OTOGL: variants seen among roughly 807,000 people sequenced by gnomAD.
The protein encoded by OTOGL is otogelin-like protein.
OTOGL carries 285 observed loss-of-function variants against 318.5 expected under a neutral mutation model. The ratio of observed to expected loss-of-function variants is 0.89; its 90% CI spans 0.81 to 0.99. The LOEUF (loss-of-function observed/expected upper bound fraction) is 0.99, where lower values mean the gene tolerates loss of function less well. Ranked by LOEUF, OTOGL falls within the 50% of genes least tolerant of loss-of-function variation. The probability of loss-of-function intolerance (pLI) is 0.00; values close to 1 mark genes in which losing one functional copy is unlikely to be tolerated. For missense variants in OTOGL, 2,899 were observed against 2,845.6 expected (o/e 1.02, Z -0.43); for synonymous variants, 987 against 936.5 (o/e 1.05, Z -0.99).
In OTOGL at chr12:80,255,132, G is replaced by A; in HGVS notation, c.1534G>A (p.Gly512Arg). The A allele has an allele frequency of 6.6e-7, 1 of 1,525,148 alleles. No individual in the cohort carries two copies. The highest frequency in any genetic ancestry group is 8.8e-7 in the Non-Finnish European group (1 of 1,139,282). 94.5% of individuals were successfully genotyped at this position (1,525,148 alleles called of 1,614,324 possible). A position where few individuals can be genotyped will look rare whatever the true frequency, so the allele number is the denominator to read the frequency against. ...IGMCQYILVK[G>R]TGKDKFTITL... ...CATGTGCCAATACATCCTCGTGAAA[G>A]GAACTGGAAAAGATAAATTCACGAT... is the stretch of plus-strand genomic sequence containing the variant. The change falls in exon 16 of 59, where the codon GGA becomes AGA. Residue 512 changes from glycine (G) to arginine (R), a missense_variant. Physicochemically the swap from Gly to Arg is moderately radical, Grantham distance 125 (BLOSUM62 -2). Around this residue, in one of 3 missense-constraint regions of OTOGL, gnomAD observed 2,607 missense variants for 2,524.9 expected, o/e 1.03. Coordinates refer to ENST00000547103, the MANE Select transcript of OTOGL (RefSeq NM_001378609.3).
Position 80,284,302 on chromosome 12 carries a change from A to C in OTOGL, c.2928+5136A>C, listed in dbSNP as rs996287625. 2.6e-5 allele frequency among the ~76,000 whole-genome samples: 4 copies of C among 152,048 alleles called. No individual in the cohort carries two copies. The South Asian group carries it at 8.3e-4, about 32-fold the overall frequency. ...ATTGATGGGCATTTGGGTTGGCTCC[A>C]AGTCTTTTCTATTGTGAATAGTGCT... is the stretch of plus-strand genomic sequence containing the variant. On this transcript the variant is annotated intron_variant, in intron 26 of 58. Coordinates refer to ENST00000547103, the MANE Select transcript of OTOGL (RefSeq NM_001378609.3).
At chr12:80,181,843 A>G (rs999589614) in intron 1 of OTOGL, among the ~76,000 whole-genome samples, 7 of 152,130 alleles carry the variant, frequency 4.6e-5, no homozygotes, top group Non-Finnish European at 1.0e-4. Context: ...ATTCTATAGA[A>G]TTAGGGCCAA....
chr12:80,299,589 T>A (rs1361004754), intron 27 of OTOGL, among the ~76,000 whole-genome samples: 2 of 149,748 alleles, frequency 1.3e-5, no homozygotes, highest in East Asian at 3.9e-4. Flanking sequence ...TTATGGTAGA[T>A]GGACCATCCA....
intron 8 of OTOGL, 74 bp from the exon 9 acceptor site, chr12:80,232,814 CTCAG>C (rs1879481856): frequency 8.4e-7 from 1 of 1,194,870 alleles, no homozygotes; most frequent in African/African-American, 1.5e-5. Context: ...TTAATTGTAT[CTCAG>C]TCACTTAAAA....
chr12:80,187,496 C>T (rs1224414245), intron 1 of OTOGL, among the ~76,000 whole-genome samples: 1 of 152,050 alleles, frequency 6.6e-6, no homozygotes, highest in Non-Finnish European at 1.5e-5. Flanking sequence ...AAAAAGCTTC[C>T]GAGTGGATGC....
intron 1 of OTOGL, among the ~76,000 whole-genome samples, chr12:80,153,699 G>A (rs765775626): frequency 7.9e-5 from 12 of 152,074 alleles, no homozygotes; most frequent in South Asian, 6.2e-4. Flanking sequence ...TCTGTGCTCC[G>A]CCTCTGCATC....
chr12:80,359,113 A>G (rs987985998), intron 52 of OTOGL, among the ~76,000 whole-genome samples: 83 of 152,150 alleles, frequency 5.5e-4, no homozygotes, highest in Non-Finnish European at 7.8e-4. Flanking sequence ...TTATTTTTTA[A>G]CTGCTGATAG....
At chr12:80,241,101 G>C (rs527286553) in intron 11 of OTOGL, among the ~76,000 whole-genome samples, 5 of 152,048 alleles carry the variant, frequency 3.3e-5, no homozygotes, top group Non-Finnish European at 5.9e-5. Context: ...AGCTCATTAA[G>C]AGGTTTATCA....
intron 1 of OTOGL, among the ~76,000 whole-genome samples, chr12:80,166,325 T>C (rs1407374380): frequency 2.0e-5 from 3 of 152,156 alleles, no homozygotes; most frequent in Non-Finnish European, 4.4e-5. Flanking sequence ...ATTCACCTTC[T>C]ACATTATTAG....
At position 80,358,913 on chromosome 12, in the gene OTOGL, A is replaced by G. The variant is rs1171022100; in HGVS notation, c.6267+13A>G. ...AACTTGTGAAGTGGTAAGAACACAT[A>G]TTTTGATTGACTTGTCATATTTATT... On this transcript the variant is annotated intron_variant, in intron 52 of 58. Coordinates refer to ENST00000547103, the MANE Select transcript of OTOGL (RefSeq NM_001378609.3). 2.0e-6 allele frequency: 3 copies of G among 1,464,054 alleles called. No homozygotes were observed. Among genetic ancestry groups the G allele is most frequent in the South Asian group, 1.3e-5 (1 of 79,710 alleles). The allele number at this position is 1,464,054 out of a possible 1,614,324, so 90.7% of individuals were successfully genotyped here.
At chr12:80,169,766 A>G (rs1310887058) in intron 1 of OTOGL, among the ~76,000 whole-genome samples, 1 of 152,148 alleles carries the variant, frequency 6.6e-6, no homozygotes, top group Non-Finnish European at 1.5e-5. Context: ...CCTACATGCA[A>G]TCATACAGTA....
chr12:80,362,901 A>G (rs1383091219), intron 52 of OTOGL, among the ~76,000 whole-genome samples: 1 of 152,182 alleles, frequency 6.6e-6, no homozygotes. Flanking sequence ...TAGCTAACTG[A>G]AGGAAGAATG....
intron 35 of OTOGL, among the ~76,000 whole-genome samples, chr12:80,328,137 C>T (rs780550781): frequency 4.0e-5 from 6 of 151,512 alleles, no homozygotes; most frequent in African/African-American, 9.7e-5. Flanking sequence ...GGCAACATGA[C>T]GAAACCTCAT....
At chr12:80,188,410 C>G (rs891367613) in intron 1 of OTOGL, among the ~76,000 whole-genome samples, 2 of 151,572 alleles carry the variant, frequency 1.3e-5, no homozygotes, top group Admixed American at 6.6e-5. Context: ...TGGTGGCATG[C>G]GCCTGTAATC....
intron 56 of OTOGL, among the ~76,000 whole-genome samples, chr12:80,371,126 T>C (rs1441404252): frequency 7.9e-5 from 12 of 152,256 alleles, no homozygotes; most frequent in African/African-American, 2.9e-4. Flanking sequence ...CTGAAAAATT[T>C]AGTACAAGTC....
intron 1 of OTOGL, among the ~76,000 whole-genome samples, chr12:80,109,773 A>G (rs1325688693): frequency 1.3e-5 from 2 of 152,234 alleles, no homozygotes; most frequent in Non-Finnish European, 2.9e-5. Context: ...TGACCACCAC[A>G]TTAGTCTTTA....
At chr12:80,125,093 G>A (rs757270065) in intron 1 of OTOGL, among the ~76,000 whole-genome samples, 3 of 152,182 alleles carry the variant, frequency 2.0e-5, no homozygotes, top group East Asian at 1.9e-4. Flanking sequence ...GAGTGGTGAG[G>A]GAGGGCATCC....
chr12:80,302,034 T>C (rs1205347688), intron 27 of OTOGL, among the ~76,000 whole-genome samples: 1 of 152,128 alleles, frequency 6.6e-6, no homozygotes, highest in Non-Finnish European at 1.5e-5. Context: ...AACTGCAGCA[T>C]ACAATTTTTT....
At chr12:80,367,238 G>C (rs1015351455) in intron 53 of OTOGL, among the ~76,000 whole-genome samples, 3 of 151,008 alleles carry the variant, frequency 2.0e-5, no homozygotes, top group African/African-American at 7.3e-5. Context: ...GCCTCACAAA[G>C]TACTGGGATT....
Sources: allele counts gnomAD v4.1 joint callset (sites outside exome capture counted in the v4.1 genomes callset), GRCh38; gene constraint gnomAD v4.1.1; regional missense constraint gnomAD v4.1.1; transcripts MANE v1.5; gene names NCBI Gene and HGNC (gene_info 2026-07-23, HGNC 2026-07-21).